Variants in RBM15 observed in about 807,000 individuals in gnomAD.
The protein encoded by RBM15 is RNA-binding protein 15.
Under a neutral mutation model 62.6 loss-of-function variants are expected in RBM15, and 8 were observed. That is an observed-to-expected ratio of 0.13 (90% confidence interval 0.07 to 0.23). The LOEUF is 0.23. Ranked by LOEUF, RBM15 falls within the 10% of genes least tolerant of loss-of-function variation. The pLI is 1.00. For missense variants in RBM15, 1,144 were observed against 1,286.5 expected (o/e 0.89, Z 1.69); for synonymous variants, 606 against 505.7 (o/e 1.20, Z -2.66).
chr1:110,341,716 G>A lies in RBM15; in HGVS notation c.2311G>A (p.Asp771Asn), dbSNP rs371518600. The change falls in exon 1 of 3, where the codon GAT (aspartate) becomes AAT (asparagine). Residue 771 changes from aspartate to asparagine, a missense_variant. Transcript: ENST00000369784. The surrounding 1 kb of genome is among the most constrained non-coding windows in gnomAD (Gnocchi z 4.5). ...GCTGAAGTCCCCGTCCCAGAAACAG[G>A]ATGGGGGGACAGCCCCTGTGGCATC... ...SKLKSPSQKQ[D>N]GGTAPVASAS... The A allele has an allele frequency of 1.2e-6, 2 of 1,614,064 alleles. No homozygotes were observed. The highest frequency in any genetic ancestry group is 2.7e-5 in the African/African-American group (2 of 74,920).
rs1356256376 is a variant in RBM15, at chr1:110,340,149, A to G, written c.744A>G (p.Glu248=). 1 of 1,613,814 alleles carries G rather than the reference A, an allele frequency of 6.2e-7. No homozygotes were observed. Among genetic ancestry groups the G allele is most frequent in the South Asian group, 1.1e-5 (1 of 91,076 alleles). ...LVLYDRPLKI[E]AVYVSRRRSR... ...TCTATGACCGGCCTCTGAAGATAGAAGCTGTGTATGTGAGCCGGCGCCGCA... is the reference window on the plus strand; with the variant it reads ...TCTATGACCGGCCTCTGAAGATAGAGGCTGTGTATGTGAGCCGGCGCCGCA... Residue 248 remains glutamate, a synonymous_variant, in exon 1 of 3, where the codon GAA becomes GAG. Coordinates refer to ENST00000369784, the MANE Select transcript of RBM15 (RefSeq NM_022768.5). The surrounding 1 kb of genome is among the most constrained non-coding windows in gnomAD (Gnocchi z 5.8).
chr1:110,342,208 T>A lies in RBM15; in HGVS notation c.2803T>A (p.Ser935Thr), dbSNP rs140939757. ...PCEFSQQFLD[S>T]PAKALAKSEE... is the part of the protein sequence containing the mutation. ...TGAGTTCTCCCAGCAGTTCCTGGAT[T>A]CCCCTGCCAAGGCACTGGCCAAATC... Residue 935 changes from serine (S) to threonine (T), a missense_variant, in exon 1 of 3, where the codon TCC becomes ACC. Physicochemically the swap from Ser to Thr is moderately conservative, Grantham distance 58 (BLOSUM62 1). Coordinates refer to ENST00000369784, the MANE Select transcript of RBM15 (RefSeq NM_022768.5). 10 of 1,612,868 alleles carry A rather than the reference T, an allele frequency of 6.2e-6. No homozygotes were observed. The highest frequency in any genetic ancestry group is 8.5e-6 in the Non-Finnish European group (10 of 1,179,392).
In RBM15 at chr1:110,339,925, A is replaced by T; in HGVS notation, c.520A>T (p.Ile174Leu). The change falls in exon 1 of 3, where the codon ATA becomes TTA. Residue 174 changes from isoleucine (I) to leucine (L), a missense_variant. Physicochemically the swap from Ile to Leu is conservative, Grantham distance 5. Around this residue, in one of 8 missense-constraint regions of RBM15, gnomAD observed 298 missense variants for 250.0 expected, o/e 1.19. Transcript: ENST00000369784. ...GDGAEYKTLK[I>L]SELGSQLSDE... The stretch of plus-strand genomic sequence containing the variant: ...CGGCGCGGAATACAAGACTCTGAAG[A>T]TAAGCGAGTTGGGGTCCCAGCTTAG... 1.2e-6 allele frequency: 2 copies of T among 1,613,758 alleles called. No homozygotes were observed. Among genetic ancestry groups the T allele is most frequent in the Non-Finnish European group, 1.7e-6 (2 of 1,179,684 alleles).
In RBM15 at chr1:110,341,366, A is replaced by T. The variant is rs746775098; in HGVS notation, c.1961A>T (p.Asp654Val). ...LPEESGGRHLDRSPESDRPRK... is the reference protein window; with the variant it reads ...LPEESGGRHLVRSPESDRPRK... ...GAGGAGAGTGGAGGACGTCATCTGG[A>T]TAGGTCTCCTGAGAGTGACCGCCCA... Residue 654 changes from aspartate (D) to valine (V), a missense_variant, in exon 1 of 3, where the codon GAT becomes GTT. Physicochemically the swap from Asp to Val is radical, Grantham distance 152 (BLOSUM62 -3). Coordinates refer to ENST00000369784, the MANE Select transcript of RBM15 (RefSeq NM_022768.5). The surrounding 1 kb of genome is among the most constrained non-coding windows in gnomAD (Gnocchi z 4.5). 6.2e-7 allele frequency: 1 copy of T among 1,614,072 alleles called. No individual in the cohort carries two copies. Among genetic ancestry groups the T allele is most frequent in the African/African-American group, 1.3e-5 (1 of 75,032 alleles).
rs770580950 is a variant in RBM15, at chr1:110,341,447, G to T, written c.2042G>T (p.Arg681Leu). ...CGCAGTCCAGAATTGAGCAGTAGCCGGGATCGTTACAACAGCGACAATGAT... is the reference window on the plus strand; with the variant it reads ...CGCAGTCCAGAATTGAGCAGTAGCCTGGATCGTTACAACAGCGACAATGAT... Reference protein sequence around the residue: ...PDRSPELSSSRDRYNSDNDRS... With the variant: ...PDRSPELSSSLDRYNSDNDRS... Residue 681 changes from arginine to leucine, a missense_variant, in exon 1 of 3, where the codon CGG becomes CTG. Arg to Leu is a moderately radical substitution (Grantham distance 102). This residue lies in a region of RBM15 where 360 missense variants were observed against 342.9 expected (regional missense o/e 1.05). Coordinates refer to ENST00000369784, the MANE Select transcript of RBM15 (RefSeq NM_022768.5). The surrounding 1 kb of genome is among the most constrained non-coding windows in gnomAD (Gnocchi z 4.5). The T allele has an allele frequency of 6.2e-7, 1 of 1,614,136 alleles. No individual in the cohort carries two copies.
At chr1:110,345,036 AAAT>A (rs1413328313) in intron 1 of RBM15, among the ~76,000 whole-genome samples, 1 of 152,216 alleles carries the variant, frequency 6.6e-6, no homozygotes, top group Non-Finnish European at 1.5e-5. Context: ...GGATTCCTAT[AAAT>A]AATTTTTCAC....
intron 1 of RBM15, 42 bp downstream of exon 1, chr1:110,342,310 G>C (rs1399921917): frequency 6.7e-6 from 10 of 1,482,104 alleles, no homozygotes; most frequent in Non-Finnish European, 9.1e-6. Flanking sequence ...TTACTACTTT[G>C]ACATGGTTCC....
In RBM15 at chr1:110,341,315, A is replaced by G; in HGVS notation, c.1910A>G (p.Asp637Gly). 1 of 1,614,112 alleles carries G rather than the reference A, an allele frequency of 6.2e-7. No individual in the cohort carries two copies. The highest frequency in any genetic ancestry group is 8.5e-7 in the Non-Finnish European group (1 of 1,180,020). Residue 637 changes from aspartate (D) to glycine (G), a missense_variant, in exon 1 of 3, where the codon GAC becomes GGC. Physicochemically the swap from Asp to Gly is moderately conservative, Grantham distance 94 (BLOSUM62 -1). Transcript: ENST00000369784. This position sits in a 1 kb window ranked among gnomAD's most constrained non-coding sequence, Gnocchi z 4.5. ...RGDRDLPSSRDQPRKRRLPEE... is the reference protein window; with the variant it reads ...RGDRDLPSSRGQPRKRRLPEE... ...GATCGAGATCTGCCCAGCAGCAGAGACCAGCCTAGGAAGCGAAGGCTGCCT... is the reference window on the plus strand; with the variant it reads ...GATCGAGATCTGCCCAGCAGCAGAGGCCAGCCTAGGAAGCGAAGGCTGCCT...
chr1:110,342,616 C>T, intron 1 of RBM15: 1 of 253,374 alleles, frequency 3.9e-6, no homozygotes, highest in Non-Finnish European at 7.3e-6. Context: ...AGTTACAAAA[C>T]CAAAATTTTG....
At position 110,339,977 on chromosome 1, in the gene RBM15, T is replaced by G. The variant is rs908952082; in HGVS notation, c.572T>G (p.Phe191Cys). The G allele has an allele frequency of 1.9e-6, 3 of 1,613,918 alleles. No homozygotes were observed. Among genetic ancestry groups the G allele is most frequent in the Non-Finnish European group, 2.5e-6 (3 of 1,179,920 alleles). Residue 191 changes from phenylalanine (F) to cysteine (C), a missense_variant, in exon 1 of 3, where the codon TTT becomes TGT. Phe to Cys is a radical substitution (Grantham distance 205). Coordinates refer to ENST00000369784, the MANE Select transcript of RBM15 (RefSeq NM_022768.5). ...LSDEAVEDGL[F>C]HEFKRFGDVS... ...GACGAAGCGGTGGAGGACGGCCTGT[T>G]TCATGAGTTCAAACGCTTCGGTGAT...
chr1:110,340,020 T>C lies in RBM15; in HGVS notation c.615T>C (p.Ser205=), dbSNP rs1468793511. 11 of 1,613,956 alleles carry C rather than the reference T, an allele frequency of 6.8e-6. No homozygotes were observed. The highest frequency in any genetic ancestry group is 9.3e-6 in the Non-Finnish European group (11 of 1,180,010). Reference sequence around the variant, plus strand: ...TCGGTGATGTAAGTGTGAAAATCAGTCATCTGTCGGGTTCTGGCAGCGGGG... The same window carrying C: ...TCGGTGATGTAAGTGTGAAAATCAGCCATCTGTCGGGTTCTGGCAGCGGGG... The part of the protein sequence containing the change: ...KRFGDVSVKI[S]HLSGSGSGDE... The change falls in exon 1 of 3, where the codon AGT becomes AGC. Residue 205 remains serine (S), a synonymous_variant. Transcript: ENST00000369784. The surrounding 1 kb of genome is among the most constrained non-coding windows in gnomAD (Gnocchi z 5.8).
intron 1 of RBM15, among the ~76,000 whole-genome samples, chr1:110,343,416 CAGCTACGGAA>C (rs960671458): frequency 6.6e-6 from 1 of 152,012 alleles, no homozygotes; most frequent in African/African-American, 2.4e-5. Context: ...CACTGCTGTC[CAGCTACGGAA>C]TTGAAATGTC....
Position 110,340,472 on chromosome 1 carries a change from C to G in RBM15, c.1067C>G (p.Ala356Gly). The G allele has an allele frequency of 6.2e-7, 1 of 1,614,008 alleles. No homozygotes were observed. Among genetic ancestry groups the G allele is most frequent in the South Asian group, 1.1e-5 (1 of 91,072 alleles). The change falls in exon 1 of 3, where the codon GCT (alanine) becomes GGT (glycine). Residue 356 changes from alanine (A) to glycine (G), a missense_variant. By Grantham distance (60) the Ala-to-Gly change is moderately conservative. Coordinates refer to ENST00000369784, the MANE Select transcript of RBM15 (RefSeq NM_022768.5). This position sits in a 1 kb window ranked among gnomAD's most constrained non-coding sequence, Gnocchi z 5.8. ...EPRVGAGAGA[A>G]PFREVDEISP... ...AGGGTGGGAGCTGGAGCAGGTGCTG[C>G]TCCTTTCAGAGAAGTGGATGAGATT...
chr1:110,340,770 C>T lies in RBM15; in HGVS notation c.1365C>T (p.Thr455=), dbSNP rs199745084. The change falls in exon 1 of 3, where the codon ACC becomes ACT. Residue 455 remains threonine, a synonymous_variant. Coordinates refer to ENST00000369784, the MANE Select transcript of RBM15 (RefSeq NM_022768.5). This position sits in a 1 kb window ranked among gnomAD's most constrained non-coding sequence, Gnocchi z 5.8. ...GTTATGGTAAAGCTACACCCACCACCCGCCTCTGGGTGGGAGGCCTGGGAC... is the reference window on the plus strand; with the variant it reads ...GTTATGGTAAAGCTACACCCACCACTCGCCTCTGGGTGGGAGGCCTGGGAC... The part of the protein sequence containing the change: ...KIGYGKATPT[T]RLWVGGLGPW... The T allele has an allele frequency of 6.2e-7, 1 of 1,614,174 alleles. No homozygotes were observed. Among genetic ancestry groups the T allele is most frequent in the East Asian group, 2.2e-5 (1 of 44,886 alleles).
rs536529933 is a variant in RBM15, at chr1:110,345,691, T to A, written c.*40+42T>A. The A allele has an allele frequency of 3.8e-5, 47 of 1,237,966 alleles. No homozygotes were observed. The South Asian group carries it at 6.0e-4, about 16-fold the overall frequency. The allele number at this position is 1,237,966 out of a possible 1,614,324, so 76.7% of individuals were successfully genotyped here. On this transcript the variant is annotated intron_variant, in intron 2 of 2. Transcript: ENST00000369784. ...GTTAAGCTGAATGAAGAGTTTTATATGTATGGTTTAAACAGAGTTGAAAAG... is the reference window on the plus strand; with the variant it reads ...GTTAAGCTGAATGAAGAGTTTTATAAGTATGGTTTAAACAGAGTTGAAAAG...
At position 110,341,171 on chromosome 1, in the gene RBM15, C is replaced by A. The variant is rs767406014; in HGVS notation, c.1766C>A (p.Pro589His). ...TATCCTGACTCTGATTGGGTGCCACCCCCACCCCCAGTCCGAGAACGCAGC... is the reference window on the plus strand; with the variant it reads ...TATCCTGACTCTGATTGGGTGCCACACCCACCCCCAGTCCGAGAACGCAGC... ...DLYPDSDWVPPPPPVRERSTR... is the reference protein window; with the variant it reads ...DLYPDSDWVPHPPPVRERSTR... Residue 589 changes from proline to histidine, a missense_variant, in exon 1 of 3, where the codon CCC becomes CAC. Physicochemically the swap from Pro to His is moderately conservative, Grantham distance 77. Around this residue, in one of 8 missense-constraint regions of RBM15, gnomAD observed 360 missense variants for 342.9 expected, o/e 1.05. Coordinates refer to ENST00000369784, the MANE Select transcript of RBM15 (RefSeq NM_022768.5). The surrounding 1 kb of genome is among the most constrained non-coding windows in gnomAD (Gnocchi z 4.5). 1 of 1,613,938 alleles carries A rather than the reference C, an allele frequency of 6.2e-7. No homozygotes were observed. The highest frequency in any genetic ancestry group is 8.5e-7 in the Non-Finnish European group (1 of 1,179,976).
chr1:110,342,622 T>C, intron 1 of RBM15: 1 of 244,446 alleles, frequency 4.1e-6, no homozygotes, highest in Non-Finnish European at 7.7e-6. Context: ...AAAACCAAAA[T>C]TTTGAAAAGT....
chr1:110,340,404 C>T lies in RBM15; in HGVS notation c.999C>T (p.Tyr333=). 6.2e-7 allele frequency: 1 copy of T among 1,614,198 alleles called. No individual in the cohort carries two copies. The highest frequency in any genetic ancestry group is 1.6e-4 in the Middle Eastern group (1 of 6,062). ...LPRDLERERD[Y]PFYERVRPAY... is the part of the protein sequence containing the mutation. ...GAGACCTGGAGAGAGAAAGAGACTACCCGTTCTATGAGAGAGTGCGCCCTG... is the reference window on the plus strand; with the variant it reads ...GAGACCTGGAGAGAGAAAGAGACTATCCGTTCTATGAGAGAGTGCGCCCTG... The change falls in exon 1 of 3, where the codon TAC becomes TAT. Residue 333 remains tyrosine (Y), a synonymous_variant. Transcript: ENST00000369784. The surrounding 1 kb of genome is among the most constrained non-coding windows in gnomAD (Gnocchi z 5.8).
chr1:110,344,820 AATTATTTT>A (rs1660868150), intron 1 of RBM15, among the ~76,000 whole-genome samples: 1 of 152,094 alleles, frequency 6.6e-6, no homozygotes, highest in Non-Finnish European at 1.5e-5. Flanking sequence ...TTTCTTCTTT[AATTATTTT>A]AATGTAGTTG....
Sources: gnomAD v4.1 joint callset for allele counts (sites outside exome capture counted in the v4.1 genomes callset) on GRCh38, gnomAD v4.1.1 for gene constraint, gnomAD v4.1.1 regional missense constraint, Gnocchi (gnomAD v3.1) non-coding constraint, MANE v1.5 for transcripts, NCBI Gene and HGNC (gene_info 2026-07-23, HGNC 2026-07-21) for gene names.